The following NHSL1 variants were observed in gnomAD, a reference collection of about 807,000 sequenced individuals.
NHSL1 encodes NHS like 1.
In NHSL1, 48 loss-of-function variants were observed where a neutral mutation model predicts 95.0. The observed-to-expected ratio is 0.51, with a 90% CI of 0.40 to 0.64. The LOEUF (loss-of-function observed/expected upper bound fraction) is 0.64, where lower values mean the gene tolerates loss of function less well. Ranked by LOEUF, NHSL1 falls within the 30% of genes least tolerant of loss-of-function variation. NHSL1 has a pLI of 0.00. For synonymous variants in NHSL1, 783 were observed against 833.9 expected, an observed-to-expected ratio of 0.94 and a Z score of 1.05; for missense variants, 1,971 against 2,077.7, an observed-to-expected ratio of 0.95 and a Z score of 1.00.
intron 1 of NHSL1, among the ~76,000 whole-genome samples, chr6:138,610,560 T>TATATATATATA (rs1554256222): frequency 2.3e-3 from 151 of 64,480 alleles, no homozygotes; most frequent in African/African-American, 0.011. Flanking sequence ...TATATATATA[T>TATATATATATA]TATATATATA....
At chr6:138,496,714 G>A (rs534832640) in intron 1 of NHSL1, among the ~76,000 whole-genome samples, 2 of 152,006 alleles carry the variant, frequency 1.3e-5, no homozygotes, top group Admixed American at 6.5e-5. Flanking sequence ...AACCCCCCTC[G>A]CACACACACA....
At chr6:138,553,427 G>T (rs1314285437) in intron 1 of NHSL1, among the ~76,000 whole-genome samples, 1 of 152,172 alleles carries the variant, frequency 6.6e-6, no homozygotes, top group African/African-American at 2.4e-5. Flanking sequence ...GGCTGGCATG[G>T]TATTACAATT....
Position 138,437,389 on chromosome 6 carries a change from C to CAT in NHSL1, c.665-3711_665-3710dup, listed in dbSNP as rs71547091. ...ATATATATACACATATATATATACACATATATATATATATACACACATATA... is the reference window on the plus strand; with the variant it reads ...ATATATATACACATATATATATACACATATATATATATATATACACACATATA... On this transcript the variant is annotated intron_variant, in intron 5 of 7. Transcript: ENST00000343505. Among the ~76,000 whole-genome samples the CAT allele has an allele frequency of 1.4e-3, 106 of 73,304 alleles. 7 individuals are homozygous for CAT. The South Asian group carries it at 0.015, about 10-fold the overall frequency. 48.1% of individuals were successfully genotyped at this position (73,304 alleles called of 152,430 possible).
chr6:138,650,504 A>C (rs1785076790), intron 1 of NHSL1: 1 of 695,034 alleles, frequency 1.4e-6, no homozygotes, highest in Non-Finnish European at 2.6e-6. Flanking sequence ...CCAGGTAGGC[A>C]CTGATGAAGT....
In NHSL1 at chr6:138,422,688, C is replaced by G. The variant is rs957262067; in HGVS notation, c.*1393G>C. On this transcript the variant is annotated 3_prime_UTR_variant, in exon 8 of 8. Transcript: ENST00000343505. ...TACATTAAAATAAAGACTTCACACA[C>G]GTGTGTCCCATGTCTAAAATTGTTG... is the stretch of plus-strand genomic sequence containing the variant. 6.6e-6 allele frequency: 1 copy of G among 152,126 alleles called. No individual in the cohort carries two copies. Among genetic ancestry groups the G allele is most frequent in the Non-Finnish European group, 1.5e-5 (1 of 68,026 alleles). The allele number at this position is 152,126 out of a possible 1,614,324, so 9.4% of individuals were successfully genotyped here. A position where few individuals can be genotyped will look rare whatever the true frequency, so the allele number is the denominator to read the frequency against.
At chr6:138,547,466 C>A (rs369735389), upstream of NHSL1, among the ~76,000 whole-genome samples, 1 of 152,162 alleles carries the variant, frequency 6.6e-6, no homozygotes, top group Admixed American at 6.5e-5. Flanking sequence ...CTGCAAGCTC[C>A]GTCTCCCAGG....
In NHSL1 at chr6:138,619,670, C is replaced by T. The variant is rs545104230; in HGVS notation, c.96+72806G>A. Among the ~76,000 whole-genome samples, 8 of 152,182 alleles carry T rather than the reference C, an allele frequency of 5.3e-5. No individual in the cohort carries two copies. The East Asian group carries it at 7.7e-4, about 15-fold the overall frequency. On this transcript the variant is annotated intron_variant, in intron 1 of 3. Coordinates refer to the NHSL1 transcript ENST00000491526. Reference sequence around the variant, plus strand: ...GGCATGGTGACTCACACCTGTAATCCCACCACTTCGGGAGGACAAGGCAGT... The same window carrying T: ...GGCATGGTGACTCACACCTGTAATCTCACCACTTCGGGAGGACAAGGCAGT...
intron 1 of NHSL1, among the ~76,000 whole-genome samples, chr6:138,652,711 C>T (rs937627348): frequency 2.0e-5 from 3 of 152,140 alleles, no homozygotes; most frequent in Non-Finnish European, 2.9e-5. Context: ...TTGAAAATAC[C>T]TACCTCTAAA....
chr6:138,638,901 T>C (rs1385340298), intron 1 of NHSL1, among the ~76,000 whole-genome samples: 1 of 152,224 alleles, frequency 6.6e-6, no homozygotes, highest in Admixed American at 6.5e-5. Flanking sequence ...TTAAGAGTTC[T>C]GGGCTCCCAG....
intron 1 of NHSL1, among the ~76,000 whole-genome samples, chr6:138,597,117 C>G (rs1263018747): frequency 6.6e-6 from 1 of 152,166 alleles, no homozygotes; most frequent in African/African-American, 2.4e-5. Flanking sequence ...GCCAAGATCA[C>G]ATCACGGCAC....
At chr6:138,551,518 G>A (rs1783002072) in intron 1 of NHSL1, among the ~76,000 whole-genome samples, 1 of 152,102 alleles carries the variant, frequency 6.6e-6, no homozygotes, top group Non-Finnish European at 1.5e-5. Flanking sequence ...CTATGACCAT[G>A]ACTAACACAT....
upstream of NHSL1, among the ~76,000 whole-genome samples, chr6:138,500,755 C>T (rs1780631077): frequency 6.6e-6 from 1 of 151,490 alleles, no homozygotes; most frequent in African/African-American, 2.4e-5. Flanking sequence ...TAGGGGAAAG[C>T]TTTGAAATGA....
rs1396323868 is a variant in NHSL1, at chr6:138,432,004, C to T, written c.2341G>A (p.Gly781Ser). 2 of 1,551,622 alleles carry T rather than the reference C, an allele frequency of 1.3e-6. No individual in the cohort carries two copies. The highest frequency in any genetic ancestry group is 1.7e-6 in the Non-Finnish European group (2 of 1,147,004). Residue 781 changes from glycine to serine, a missense_variant, in exon 6 of 8, where the codon GGT becomes AGT. Around this residue, in one of 3 missense-constraint regions of NHSL1, gnomAD observed 1,602 missense variants for 1,654.5 expected, o/e 0.97. Coordinates refer to ENST00000343505, the MANE Select transcript of NHSL1 (RefSeq NM_001144060.2). The surrounding 1 kb of genome is among the most constrained non-coding windows in gnomAD (Gnocchi z 4.4). ...ATGCCCGTGTAGTCAATGTAATAAC[C>T]CCAGGGGTCCGTGTACTCTGACTTG... ...SVKSEYTDPWGYYIDYTGMQE... is the reference protein window; with the variant it reads ...SVKSEYTDPWSYYIDYTGMQE...
At chr6:138,671,996 CAATA>C (rs1785377974) in intron 1 of NHSL1, among the ~76,000 whole-genome samples, 2 of 151,976 alleles carry the variant, frequency 1.3e-5, no homozygotes. Flanking sequence ...CTTGAGAGGT[CAATA>C]GATACCAATA....
intron 2 of NHSL1, among the ~76,000 whole-genome samples, chr6:138,479,559 T>C (rs150646685): frequency 8.7e-4 from 133 of 152,332 alleles, no homozygotes; most frequent in African/African-American, 2.9e-3. Context: ...GGGGCTGTTG[T>C]GAGATTTCAT....
intron 2 of NHSL1, among the ~76,000 whole-genome samples, chr6:138,484,300 G>C (rs557466692): frequency 6.6e-6 from 1 of 152,226 alleles, no homozygotes; most frequent in South Asian, 2.1e-4. Context: ...GAGAGGAGGT[G>C]GTGACAGAAT....
intron 1 of NHSL1, among the ~76,000 whole-genome samples, chr6:138,623,674 CTCTT>C (rs746574405): frequency 1.2e-4 from 18 of 152,290 alleles, no homozygotes; most frequent in African/African-American, 1.7e-4. Flanking sequence ...CTCAGTCTCT[CTCTT>C]TGTTTTACAG....
chr6:138,663,591 C>A (rs575140997), intron 1 of NHSL1, among the ~76,000 whole-genome samples: 1 of 150,132 alleles, frequency 6.7e-6, no homozygotes, highest in East Asian at 2.0e-4. Context: ...ATTTCTAGGC[C>A]GGGCACGGTG....
intron 2 of NHSL1, among the ~76,000 whole-genome samples, chr6:138,476,552 G>A (rs1397392479): frequency 3.3e-5 from 5 of 152,076 alleles, no homozygotes; most frequent in South Asian, 4.2e-4. Flanking sequence ...GGGGGCCCGC[G>A]CCAGTAGCTC....
Sources: allele counts gnomAD v4.1 joint callset (sites outside exome capture counted in the v4.1 genomes callset), GRCh38; gene constraint gnomAD v4.1.1; regional missense constraint gnomAD v4.1.1; non-coding constraint Gnocchi (gnomAD v3.1); transcripts MANE v1.5; gene names NCBI Gene and HGNC (gene_info 2026-07-23, HGNC 2026-07-21).